The following PFKP variants were observed in gnomAD, a reference collection of about 807,000 sequenced individuals.
PFKP encodes the protein ATP-dependent 6-phosphofructokinase, platelet type.
PFKP carries 101 observed loss-of-function variants against 94.3 expected under a neutral mutation model. The ratio of observed to expected loss-of-function variants is 1.07; its 90% CI spans 0.91 to 1.26. The LOEUF (loss-of-function observed/expected upper bound fraction) is 1.26, where lower values mean the gene tolerates loss of function less well. Ranked by LOEUF, PFKP falls within the 50% of genes most tolerant of loss-of-function variation. PFKP has a pLI of 0.00. For missense variants in PFKP, 1,145 were observed against 1,103.3 expected (o/e 1.04, Z -0.53); for synonymous variants, 573 against 432.6 (o/e 1.32, Z -4.03).
chr10:3,089,831 G>GT (rs1039056969), intron 2 of PFKP, among the ~76,000 whole-genome samples: 2 of 151,780 alleles, frequency 1.3e-5, no homozygotes, highest in African/African-American at 4.8e-5. Context: ...ATCTCAAACT[G>GT]TTTTTTACCC....
At chr10:3,115,352 CTGGAGTGAAGGTGTGTGT>C (rs1836695876) in intron 13 of PFKP, among the ~76,000 whole-genome samples, 1 of 78,880 alleles carries the variant, frequency 1.3e-5, no homozygotes, top group Admixed American at 1.2e-4. Flanking sequence ...ACTGGGGATG[CTGGAGTGAAGGTGTGTGT>C]CCCGCAGCTG....
At chr10:3,099,648 T>C (rs926162614) in intron 3 of PFKP, among the ~76,000 whole-genome samples, 2 of 152,224 alleles carry the variant, frequency 1.3e-5, no homozygotes, top group Non-Finnish European at 2.9e-5. Flanking sequence ...GGGCGCCTCC[T>C]GAGCTCCGAC....
intron 1 of PFKP, among the ~76,000 whole-genome samples, chr10:3,074,006 C>G (rs1490996851): frequency 1.3e-5 from 2 of 152,066 alleles, no homozygotes; most frequent in Non-Finnish European, 2.9e-5. Flanking sequence ...CTCACCTGAT[C>G]TTTTTTGTAT....
Position 3,133,254 on chromosome 10 carries a change from T to A in PFKP, c.1962T>A (p.Tyr654Ter). The A allele has an allele frequency of 6.2e-7, 1 of 1,614,144 alleles. No individual in the cohort carries two copies. Among genetic ancestry groups the A allele is most frequent in the Non-Finnish European group, 8.5e-7 (1 of 1,179,986 alleles). The part of the protein sequence containing the change: ...NYTTDFIYQL[Y>*]SEEGKGVFDC... ...CCACCGACTTCATTTACCAGCTGTA[T>A]TCAGAAGAGGGCAAAGGCGTGTTTG... is the stretch of plus-strand genomic sequence containing the variant. The change falls in exon 19 of 22, where the codon TAT (tyrosine) becomes TAA (stop). Residue 654 changes from tyrosine to a stop codon, truncating the protein, a stop_gained. Transcript: ENST00000381125. LOFTEE classifies it high-confidence loss of function.
intron 2 of PFKP, among the ~76,000 whole-genome samples, chr10:3,096,117 T>C (rs1834457414): frequency 6.6e-6 from 1 of 152,256 alleles, no homozygotes; most frequent in Admixed American, 6.5e-5. Context: ...AATCCGTATT[T>C]AAATTCTGTG....
chr10:3,104,041 T>C, intron 5 of PFKP, 97 bp downstream of exon 5: 1 of 1,125,142 alleles, frequency 8.9e-7, no homozygotes, highest in South Asian at 1.5e-5. Flanking sequence ...GCAGATTGGG[T>C]GTCCTGGTGC....
Position 3,136,242 on chromosome 10 carries a change from C to T in PFKP, c.2226-208C>T, listed in dbSNP as rs150758059. ...ATTGCACCACTGTACTCAAGCCTGG[C>T]GACAGAGCGAGACTCCACCACTGGG... On this transcript the variant is annotated intron_variant, in intron 21 of 21. Coordinates refer to ENST00000381125, the MANE Select transcript of PFKP (RefSeq NM_002627.5). Among the ~76,000 whole-genome samples the T allele has an allele frequency of 8.2e-3, 1,248 of 152,202 alleles. 9 individuals are homozygous for T. Among genetic ancestry groups the T allele is most frequent in the Non-Finnish European group, 0.012 (820 of 67,998 alleles).
At position 3,136,677 on chromosome 10, in the gene PFKP, T is replaced by A. The variant is rs1839410170; in HGVS notation, c.*98T>A. ...GCACTTTATGCACGTATTATTGACA[T>A]TAATACCTAATCGGCGAGTGCCCAT... On this transcript the variant is annotated 3_prime_UTR_variant, in exon 22 of 22. Transcript: ENST00000381125. 17 of 1,323,566 alleles carry A rather than the reference T, an allele frequency of 1.3e-5. No homozygotes were observed. Among genetic ancestry groups the A allele is most frequent in the South Asian group, 2.7e-5 (2 of 75,238 alleles). 82.0% of individuals were successfully genotyped at this position (1,323,566 alleles called of 1,614,324 possible). A position where few individuals can be genotyped will look rare whatever the true frequency, so the allele number is the denominator to read the frequency against.
At chr10:3,119,756 A>T in intron 15 of PFKP, 136 bp from the exon 16 acceptor site, 1 of 657,652 alleles carries the variant, frequency 1.5e-6, no homozygotes, top group Non-Finnish European at 2.6e-6. Context: ...CTGTGTGTTG[A>T]TCTCGGAGTG....
At chr10:3,075,538 G>T (rs1321512908) in intron 1 of PFKP, among the ~76,000 whole-genome samples, 1 of 148,224 alleles carries the variant, frequency 6.7e-6, no homozygotes, top group Non-Finnish European at 1.5e-5. Context: ...TTGCATGTGG[G>T]TGGCCTGTGT....
intron 2 of PFKP, among the ~76,000 whole-genome samples, chr10:3,091,796 GAAA>G (rs920192563): frequency 6.7e-6 from 1 of 149,932 alleles, no homozygotes; most frequent in African/African-American, 2.5e-5. Flanking sequence ...AAAAGAAAAA[GAAA>G]AAAGTCTTTT....
At chr10:3,133,129 G>C (rs899804711) in intron 18 of PFKP, 74 bp from the exon 19 acceptor site, 3 of 1,043,730 alleles carry the variant, frequency 2.9e-6, no homozygotes, top group African/African-American at 3.1e-5. Flanking sequence ...CAGCCTCCCA[G>C]GGCCATCTCC....
chr10:3,135,773 G>A lies in PFKP; in HGVS notation c.2160G>A (p.Leu720=). 1.2e-6 allele frequency: 2 copies of A among 1,613,390 alleles called. No individual in the cohort carries two copies. The highest frequency in any genetic ancestry group is 1.7e-6 in the Non-Finnish European group (2 of 1,179,406). ...KFTTDDSICV[L]GISKRNVIFQ... Reference sequence around the variant, plus strand: ...CCACCGATGATTCCATTTGTGTGCTGGGAATAAGCAAAAGAAACGTTATTT... The same window carrying A: ...CCACCGATGATTCCATTTGTGTGCTAGGAATAAGCAAAAGAAACGTTATTT... The change falls in exon 21 of 22, where the codon CTG becomes CTA. Residue 720 remains leucine (L), a synonymous_variant. Transcript: ENST00000381125.
chr10:3,077,261 C>CTTTTTT (rs34485324), intron 1 of PFKP, among the ~76,000 whole-genome samples: 38 of 84,256 alleles, frequency 4.5e-4, no homozygotes, highest in Non-Finnish European at 6.3e-4. Flanking sequence ...TTTTTTTTTT[C>CTTTTTT]TTTTTTTTTT....
At chr10:3,113,079 G>T in intron 11 of PFKP, 40 bp from the exon 12 acceptor site, 2 of 1,581,758 alleles carry the variant, frequency 1.3e-6, no homozygotes, top group Non-Finnish European at 1.7e-6. Flanking sequence ...GTTGTGTCCG[G>T]TATTCTCGAC....
chr10:3,090,162 G>A (rs1488018565), intron 2 of PFKP, among the ~76,000 whole-genome samples: 1 of 152,180 alleles, frequency 6.6e-6, no homozygotes, highest in Non-Finnish European at 1.5e-5. Flanking sequence ...TGGATAAAAT[G>A]TGGCGTATAT....
At chr10:3,125,348 T>C (rs1264681106) in intron 16 of PFKP, 1 of 863,928 alleles carries the variant, frequency 1.2e-6, no homozygotes, top group Non-Finnish European at 1.5e-6. Context: ...CTTCTTCTTT[T>C]CTCCCCTTTG....
intron 13 of PFKP, among the ~76,000 whole-genome samples, chr10:3,115,719 C>G (rs891835377): frequency 6.6e-6 from 1 of 152,188 alleles, no homozygotes; most frequent in Non-Finnish European, 1.5e-5. Context: ...AGATGCAGAA[C>G]TCACAGAGCT....
At chr10:3,105,033 C>A in intron 5 of PFKP, 82 bp from the exon 6 acceptor site, 1 of 1,310,680 alleles carries the variant, frequency 7.6e-7, no homozygotes, top group Non-Finnish European at 1.1e-6. Flanking sequence ...GCTTTCTGAG[C>A]TGTTTCCAGG....
Sources: gnomAD v4.1 joint callset for allele counts (sites outside exome capture counted in the v4.1 genomes callset) on GRCh38, gnomAD v4.1.1 for gene constraint, MANE v1.5 for transcripts, NCBI Gene and HGNC (gene_info 2026-07-23, HGNC 2026-07-21) for gene names.